RPRD2: variants seen among roughly 807,000 people sequenced by gnomAD.
The protein encoded by RPRD2 is regulation of nuclear pre-mRNA domain-containing protein 2.
Under a neutral mutation model 104.4 loss-of-function variants are expected in RPRD2, and 12 were observed. The ratio of observed to expected loss-of-function variants is 0.11; its 90% confidence interval spans 0.07 to 0.19. The LOEUF (loss-of-function observed/expected upper bound fraction) is 0.19, where lower values mean the gene tolerates loss of function less well. RPRD2 is among the 10% of genes least tolerant of loss of function. The pLI is 1.00. For synonymous variants in RPRD2, 714 were observed against 684.9 expected (o/e 1.04, Z -0.66); for missense variants, 1,543 against 1,790.1 (o/e 0.86, Z 2.49).
chr1:150,460,819 C>A (rs1316954783), intron 9 of RPRD2, among the ~76,000 whole-genome samples: 1 of 151,412 alleles, frequency 6.6e-6, no homozygotes, highest in East Asian at 2.0e-4. Flanking sequence ...GCCTCCATCT[C>A]CCAGGTTCAA....
rs1668887734 is a variant in RPRD2 at position 150,476,300 on chromosome 1, C to T, written c.*2966C>T. 6.6e-6 allele frequency: 1 copy of T among 152,202 alleles called. No homozygotes were observed. The allele number at this position is 152,202 out of a possible 1,614,324, so 9.4% of individuals were successfully genotyped here. A position where few individuals can be genotyped will look rare whatever the true frequency, so the allele number is the denominator to read the frequency against. On this transcript the variant is annotated 3_prime_UTR_variant, in exon 11 of 11. Coordinates refer to ENST00000369068, the MANE Select transcript of RPRD2 (RefSeq NM_015203.5). ...ACTTCCTAATGGCAGGATATTCACT[C>T]TCAATCCTGAAGTTACCGGTTCCTG...
chr1:150,437,059 A>G (rs782817419), intron 2 of RPRD2, among the ~76,000 whole-genome samples: 2 of 152,212 alleles, frequency 1.3e-5, no homozygotes, highest in Non-Finnish European at 2.9e-5. Flanking sequence ...AAAAAGAAAG[A>G]AAGACATTTT....
chr1:150,474,189 C>T lies in RPRD2; in HGVS notation c.*855C>T, dbSNP rs940548698. ...TTTTCTTCTGCTGTGGCCAGAAAGA[C>T]AGTCACTACAGTTGACTATTGATAC... On this transcript the variant is annotated 3_prime_UTR_variant, in exon 11 of 11. Coordinates refer to ENST00000369068, the MANE Select transcript of RPRD2 (RefSeq NM_015203.5). 3.9e-5 allele frequency: 6 copies of T among 152,124 alleles called. No individual in the cohort carries two copies. Among genetic ancestry groups the T allele is most frequent in the African/African-American group, 1.4e-4 (6 of 41,440 alleles). The allele number at this position is 152,124 out of a possible 1,614,324, so 9.4% of individuals were successfully genotyped here. A position where few individuals can be genotyped will look rare whatever the true frequency, so the allele number is the denominator to read the frequency against.
chr1:150,389,209 C>T (rs1258276896), intron 1 of RPRD2, among the ~76,000 whole-genome samples: 1 of 151,998 alleles, frequency 6.6e-6, no homozygotes, highest in African/African-American at 2.4e-5. Flanking sequence ...ACCACTACAC[C>T]TGGCTAATTT....
intron 2 of RPRD2, among the ~76,000 whole-genome samples, chr1:150,427,193 C>T (rs1665199057): frequency 6.6e-6 from 1 of 151,856 alleles, no homozygotes. Context: ...AAAGAAAAGG[C>T]CGGGTGCTGT....
chr1:150,425,441 T>C (rs587691497), intron 2 of RPRD2, among the ~76,000 whole-genome samples: 1,738 of 152,020 alleles, frequency 0.011, 14 homozygotes, highest in Non-Finnish European at 0.018. Context: ...GTCAGGAGTT[T>C]GAGACCAGCC....
intron 2 of RPRD2, among the ~76,000 whole-genome samples, chr1:150,437,859 C>T (rs782527079): frequency 7.3e-5 from 11 of 151,608 alleles, no homozygotes; most frequent in African/African-American, 1.5e-4. Context: ...GAACTGCAGG[C>T]GTGAGCCACC....
intron 1 of RPRD2, among the ~76,000 whole-genome samples, chr1:150,405,496 A>T (rs1476058327): frequency 6.6e-6 from 1 of 152,148 alleles, no homozygotes; most frequent in African/African-American, 2.4e-5. Flanking sequence ...AGGCTGAATC[A>T]TATTAAGAGA....
At chr1:150,444,112 T>C in intron 5 of RPRD2, 139 bp from the exon 6 acceptor site, 1 of 785,068 alleles carries the variant, frequency 1.3e-6, no homozygotes, top group South Asian at 2.0e-5. Context: ...AAGTGAAAAG[T>C]TTTTTTCCTC....
At chr1:150,389,993 C>G (rs587643027) in intron 1 of RPRD2, among the ~76,000 whole-genome samples, 1 of 152,216 alleles carries the variant, frequency 6.6e-6, no homozygotes, top group African/African-American at 2.4e-5. Context: ...TCACTACTGC[C>G]CTTGACTCTC....
At chr1:150,371,704 C>G (rs1313568) in intron 1 of RPRD2, among the ~76,000 whole-genome samples, 90,747 of 151,582 alleles carry the variant, frequency 0.6, 27,661 homozygotes, top group African/African-American at 0.65. Flanking sequence ...CGTGGTTACA[C>G]AGCTAATAGG....
chr1:150,387,402 G>A (rs587614962), intron 1 of RPRD2, among the ~76,000 whole-genome samples: 1 of 151,984 alleles, frequency 6.6e-6, no homozygotes, highest in African/African-American at 2.4e-5. Flanking sequence ...AGAACAAAAT[G>A]GTTTCTCAGA....
chr1:150,378,321 T>C (rs1420517230), intron 1 of RPRD2, among the ~76,000 whole-genome samples: 3 of 152,112 alleles, frequency 2.0e-5, no homozygotes, highest in Non-Finnish European at 4.4e-5. Flanking sequence ...TGACAATAAA[T>C]TAAGTACTTG....
chr1:150,456,673 C>T (rs1298327976), intron 7 of RPRD2, among the ~76,000 whole-genome samples: 4 of 151,852 alleles, frequency 2.6e-5, no homozygotes, highest in African/African-American at 9.7e-5. Flanking sequence ...GCCTGTAATC[C>T]CAGCACTTTG....
intron 10 of RPRD2, among the ~76,000 whole-genome samples, chr1:150,468,023 G>C (rs587610363): frequency 6.6e-6 from 1 of 151,938 alleles, no homozygotes; most frequent in Non-Finnish European, 1.5e-5. Context: ...TTAGCTGGGC[G>C]TGGTGGCTCA....
intron 1 of RPRD2, among the ~76,000 whole-genome samples, chr1:150,376,557 G>T (rs1197064106): frequency 1.3e-5 from 2 of 151,052 alleles, no homozygotes; most frequent in Admixed American, 1.3e-4. Flanking sequence ...CTGGAGTGCA[G>T]TGGCGCCATC....
chr1:150,389,002 T>C (rs1661855640), intron 1 of RPRD2, among the ~76,000 whole-genome samples: 1 of 152,080 alleles, frequency 6.6e-6, no homozygotes, highest in South Asian at 2.1e-4. Flanking sequence ...TATATCTCTT[T>C]AGGCTCCTCT....
At chr1:150,395,583 G>A (rs1662454018) in intron 1 of RPRD2, among the ~76,000 whole-genome samples, 1 of 147,716 alleles carries the variant, frequency 6.8e-6, no homozygotes. Flanking sequence ...CACCATCTTG[G>A]CTCATTGCAA....
At chr1:150,370,191 C>T (rs1173852115) in intron 1 of RPRD2, among the ~76,000 whole-genome samples, 2 of 152,070 alleles carry the variant, frequency 1.3e-5, no homozygotes, top group African/African-American at 2.4e-5. Flanking sequence ...GGATTACAGG[C>T]GTGAACCACC....
Sources: allele counts gnomAD v4.1 joint callset (sites outside exome capture counted in the v4.1 genomes callset), GRCh38; gene constraint gnomAD v4.1.1; transcripts MANE v1.5; gene names NCBI Gene and HGNC (gene_info 2026-07-23, HGNC 2026-07-21).